The following KIF13B variants were observed in gnomAD, a reference collection of about 807,000 sequenced individuals.
KIF13B encodes kinesin family member 13B.
KIF13B carries 127 observed loss-of-function variants against 222.0 expected under a neutral mutation model. That is an observed-to-expected ratio of 0.57 (90% CI 0.50 to 0.66). The LOEUF is 0.66. KIF13B is among the 30% of genes least tolerant of loss of function. KIF13B has a pLI of 0.00. For missense variants in KIF13B, 2,173 were observed against 2,379.0 expected (o/e 0.91, Z 1.80); for synonymous variants, 976 against 919.0 (o/e 1.06, Z -1.12).
At chr8:29,188,399 T>C (rs879552944) in intron 5 of KIF13B, 116 bp downstream of exon 5, 4 of 613,982 alleles carry the variant, frequency 6.5e-6, no homozygotes, top group Non-Finnish European at 1.1e-5. Flanking sequence ...TCTACAGTAC[T>C]TTCTGAAAGC....
In KIF13B at chr8:29,124,077, G is replaced by T. The variant is rs749799694; in HGVS notation, c.3299C>A (p.Thr1100Lys). 11 of 1,613,150 alleles carry T rather than the reference G, an allele frequency of 6.8e-6. No individual in the cohort carries two copies. Among genetic ancestry groups the T allele is most frequent in the Non-Finnish European group, 8.5e-6 (10 of 1,179,416 alleles). Residue 1100 changes from threonine to lysine, a missense_variant, in exon 27 of 40, where the codon ACA (threonine) becomes AAA (lysine). By Grantham distance (78) the Thr-to-Lys change is moderately conservative (BLOSUM62 -1). Transcript: ENST00000524189. ...RLRRKWLNAL[T>K]KRQEYLDQQL... Reference sequence around the variant, plus strand: ...TTGATCCAAGTACTCCTGACGTTTTGTTAATGCATTTAGCCATTTTCTACG... The same window carrying T: ...TTGATCCAAGTACTCCTGACGTTTTTTTAATGCATTTAGCCATTTTCTACG...
chr8:29,093,920 A>G (rs1252543741), intron 36 of KIF13B, among the ~76,000 whole-genome samples: 2 of 152,236 alleles, frequency 1.3e-5, no homozygotes, highest in Non-Finnish European at 2.9e-5. Context: ...ATAAGAGAGG[A>G]GACAGAAAAT....
intron 2 of KIF13B, among the ~76,000 whole-genome samples, chr8:29,209,342 A>G (rs776465044): frequency 1.3e-5 from 2 of 152,096 alleles, no homozygotes; most frequent in African/African-American, 2.4e-5. Flanking sequence ...GGACTCAGCC[A>G]TATCTCATTT....
chr8:29,137,186 A>T (rs1010762177), intron 21 of KIF13B, among the ~76,000 whole-genome samples: 3 of 152,182 alleles, frequency 2.0e-5, no homozygotes, highest in Non-Finnish European at 4.4e-5. Context: ...ACCATTCAAA[A>T]TTAATCACAA....
At position 29,116,980 on chromosome 8, in the gene KIF13B, C is replaced by T. The variant is rs776651773; in HGVS notation, c.3688G>A (p.Ala1230Thr). 25 of 1,599,140 alleles carry T rather than the reference C, an allele frequency of 1.6e-5. No individual in the cohort carries two copies. The Admixed American group carries it at 2.4e-4, about 15-fold the overall frequency. Residue 1230 changes from alanine (A) to threonine (T), a missense_variant, in exon 31 of 40, where the codon GCG becomes ACG. Physicochemically the swap from Ala to Thr is moderately conservative, Grantham distance 58. Coordinates refer to ENST00000524189, the MANE Select transcript of KIF13B (RefSeq NM_015254.4). ...CTGAGCTGAGGGCAGCCATGCACCG[C>T]GGAGTCCCAGGAGGCTTCTGCTTTC... ...EVKAEASWDSAVHGCPQLSRG... is the reference protein window; with the variant it reads ...EVKAEASWDSTVHGCPQLSRG...
chr8:29,072,598 C>CA (rs1300390299), intron 38 of KIF13B, among the ~76,000 whole-genome samples: 1 of 152,224 alleles, frequency 6.6e-6, no homozygotes, highest in Non-Finnish European at 1.5e-5. Context: ...CTTAGGGCTG[C>CA]ATGGCCCTGG....
At chr8:29,123,723 G>A (rs1043191161) in intron 27 of KIF13B, among the ~76,000 whole-genome samples, 16 of 152,240 alleles carry the variant, frequency 1.1e-4, no homozygotes, top group Admixed American at 9.8e-4. Flanking sequence ...TCCAGAGTCA[G>A]AGGACTCGAG....
chr8:29,242,858 C>A (rs1228686315), intron 2 of KIF13B, among the ~76,000 whole-genome samples: 1 of 152,196 alleles, frequency 6.6e-6, no homozygotes, highest in Non-Finnish European at 1.5e-5. Flanking sequence ...ATTTTATTCA[C>A]TGTAAACATA....
intron 2 of KIF13B, among the ~76,000 whole-genome samples, chr8:29,203,120 C>A (rs1348638192): frequency 6.6e-6 from 1 of 152,224 alleles, no homozygotes; most frequent in Non-Finnish European, 1.5e-5. Flanking sequence ...CCATAAGCTT[C>A]TGAAGGACAA....
chr8:29,177,670 G>T, intron 8 of KIF13B, 92 bp from the exon 9 acceptor site: 1 of 846,710 alleles, frequency 1.2e-6, no homozygotes, highest in South Asian at 1.3e-5. Context: ...GGGAGGACAA[G>T]GAAGGAGGAT....
chr8:29,163,588 T>C (rs1253899737), intron 12 of KIF13B, among the ~76,000 whole-genome samples: 2 of 152,204 alleles, frequency 1.3e-5, no homozygotes, highest in African/African-American at 4.8e-5. Flanking sequence ...CTGTCAGAAA[T>C]AGATTTTGAA....
chr8:29,142,908 C>T (rs1327086546), intron 18 of KIF13B, among the ~76,000 whole-genome samples: 1 of 151,738 alleles, frequency 6.6e-6, no homozygotes, highest in African/African-American at 2.4e-5. Context: ...GGCTGGAGTG[C>T]AGTGGCACGT....
chr8:29,071,928 A>G lies in KIF13B; in HGVS notation c.4910T>C (p.Leu1637Pro). Residue 1637 changes from leucine to proline, a missense_variant, in exon 39 of 40, where the codon CTC becomes CCC. By Grantham distance (98) the Leu-to-Pro change is moderately conservative (BLOSUM62 -3). Transcript: ENST00000524189. This position sits in a 1 kb window ranked among gnomAD's most constrained non-coding sequence, Gnocchi z 4.9. ...CGGGGAGCCGGGCGCCGGGGCCTCG[A>G]GGTCGGGGCGCTCCCGACCGGGGCT... ...LVSPGRERPD[L>P]EAPAPGSPFR... 1 of 1,422,858 alleles carries G rather than the reference A, an allele frequency of 7.0e-7. No homozygotes were observed. The highest frequency in any genetic ancestry group is 1.4e-5 in the South Asian group (1 of 70,966). The allele number at this position is 1,422,858 out of a possible 1,614,324, so 88.1% of individuals were successfully genotyped here. A position where few individuals can be genotyped will look rare whatever the true frequency, so the allele number is the denominator to read the frequency against.
intron 37 of KIF13B, among the ~76,000 whole-genome samples, chr8:29,087,685 T>C (rs1466012324): frequency 6.6e-6 from 1 of 152,126 alleles, no homozygotes; most frequent in Non-Finnish European, 1.5e-5. Flanking sequence ...TGCCAGCATT[T>C]GCAAGCCCAG....
Position 29,118,852 on chromosome 8 carries a change from G to C in KIF13B, c.3660+16C>G. The C allele has an allele frequency of 6.2e-7, 1 of 1,612,946 alleles. No homozygotes were observed. The highest frequency in any genetic ancestry group is 8.5e-7 in the Non-Finnish European group (1 of 1,179,472). On this transcript the variant is annotated intron_variant, in intron 30 of 39. Coordinates refer to ENST00000524189, the MANE Select transcript of KIF13B (RefSeq NM_015254.4). ...ACCACTTTTCATCTGACCATCCCAA[G>C]TTAGGCTTTCCTTACCTCCCCATCA...
intron 18 of KIF13B, among the ~76,000 whole-genome samples, chr8:29,142,698 G>A (rs1325307310): frequency 3.9e-5 from 6 of 152,050 alleles, no homozygotes. Context: ...AATTAGCCGG[G>A]TGTGGTGGCA....
intron 2 of KIF13B, among the ~76,000 whole-genome samples, chr8:29,232,423 A>G (rs1012724050): frequency 9.7e-4 from 141 of 144,922 alleles, no homozygotes; most frequent in African/African-American, 3.4e-3. Flanking sequence ...AATAAAAAAT[A>G]AAAAAAATTA....
At chr8:29,115,928 C>T (rs934304520) in intron 31 of KIF13B, among the ~76,000 whole-genome samples, 3 of 152,220 alleles carry the variant, frequency 2.0e-5, no homozygotes, top group Non-Finnish European at 2.9e-5. Flanking sequence ...CACCCCGACT[C>T]CCTGGGGCTG....
intron 21 of KIF13B, among the ~76,000 whole-genome samples, chr8:29,136,308 G>A (rs1376875919): frequency 1.3e-5 from 2 of 152,188 alleles, no homozygotes; most frequent in African/African-American, 4.8e-5. Flanking sequence ...GCCAGGCGTG[G>A]TGGCTCACTC....
Sources: allele counts gnomAD v4.1 joint callset (sites outside exome capture counted in the v4.1 genomes callset), GRCh38; gene constraint gnomAD v4.1.1; non-coding constraint Gnocchi (gnomAD v3.1); transcripts MANE v1.5; gene names NCBI Gene and HGNC (gene_info 2026-07-23, HGNC 2026-07-21).